Variants in RBFOX1 observed in about 807,000 individuals in gnomAD.
RBFOX1 encodes the protein RNA binding protein fox-1 homolog 1.
Under a neutral mutation model 57.7 loss-of-function variants are expected in RBFOX1, and 8 were observed. The observed-to-expected ratio is 0.14, with a 90% CI of 0.08 to 0.25. The LOEUF (loss-of-function observed/expected upper bound fraction) is 0.25. Among genes scored for constraint, RBFOX1 ranks in the 10% least tolerant of loss-of-function variants. The pLI, the probability that RBFOX1 is intolerant of heterozygous loss-of-function variation, is 1.00. For missense variants in RBFOX1, 611 were observed against 548.5 expected (o/e 1.11, Z -1.14); for synonymous variants, 326 against 222.4 (o/e 1.47, Z -4.15).
chr16:6,947,022 A>G (rs546805076), intron 3 of RBFOX1, among the ~76,000 whole-genome samples: 22 of 152,104 alleles, frequency 1.4e-4, no homozygotes, highest in African/African-American at 5.3e-4. Context: ...AAGTCCCTTC[A>G]CCTCTCTCCT....
chr16:7,100,659 G>T (rs1324920721), intron 4 of RBFOX1, among the ~76,000 whole-genome samples: 3 of 149,302 alleles, frequency 2.0e-5, no homozygotes. Context: ...GACATAGCCT[G>T]TGATAAATAT....
chr16:6,427,372 C>T (rs1597094541), intron 2 of RBFOX1, among the ~76,000 whole-genome samples: 2 of 152,272 alleles, frequency 1.3e-5, no homozygotes, highest in Middle Eastern at 6.8e-3. Flanking sequence ...GAAACGGTTC[C>T]CACATTGTTG....
chr16:6,344,700 T>G (rs1376230361), intron 2 of RBFOX1, among the ~76,000 whole-genome samples: 1 of 143,562 alleles, frequency 7.0e-6, no homozygotes, highest in Non-Finnish European at 1.5e-5. Context: ...CCCGGTTTTT[T>G]TTTTTTTTTT....
intron 3 of RBFOX1, among the ~76,000 whole-genome samples, chr16:6,971,546 G>T (rs1462186160): frequency 2.6e-5 from 4 of 152,012 alleles, no homozygotes; most frequent in Admixed American, 1.3e-4. Flanking sequence ...AGAATTTTGA[G>T]CAAAAGAAAT....
chr16:5,532,046 G>A (rs559201757), intron 2 of RBFOX1, among the ~76,000 whole-genome samples: 37 of 152,210 alleles, frequency 2.4e-4, no homozygotes, highest in African/African-American at 7.9e-4. Context: ...GTGACTGTCC[G>A]CCTCGACCTC....
At chr16:6,677,586 C>G (rs940454716) in intron 3 of RBFOX1, among the ~76,000 whole-genome samples, 5 of 152,108 alleles carry the variant, frequency 3.3e-5, no homozygotes, top group African/African-American at 1.2e-4. Flanking sequence ...CTCAGCAGTT[C>G]ATTAGAGCCT....
chr16:6,344,955 G>A (rs969334058), intron 2 of RBFOX1, among the ~76,000 whole-genome samples: 17 of 151,926 alleles, frequency 1.1e-4, no homozygotes, highest in Non-Finnish European at 1.6e-4. Flanking sequence ...GTGAGCCACC[G>A]AGCCCGGCCT....
At chr16:6,053,279 A>G (rs956948765) in intron 1 of RBFOX1, among the ~76,000 whole-genome samples, 7 of 152,234 alleles carry the variant, frequency 4.6e-5, no homozygotes, top group African/African-American at 1.7e-4. Context: ...GTCTGGTACC[A>G]AAGGGTGTCC....
Position 5,705,196 on chromosome 16 carries a change from C to A in RBFOX1, c.318+106235C>A, listed in dbSNP as rs1024140301. On this transcript the variant is annotated intron_variant, in intron 3 of 19. Coordinates refer to the RBFOX1 transcript ENST00000641259. ...GGCTATCTTCCTATCTTCCATCATG[C>A]TTCATATTCTTTCCATCAGCACCAA... 2.6e-5 allele frequency among the ~76,000 whole-genome samples: 4 copies of A among 152,222 alleles called. No homozygotes were observed. The East Asian group carries it at 7.7e-4, about 29-fold the overall frequency.
Position 7,046,897 on chromosome 16 carries a change from C to A in RBFOX1, c.-15-5160C>A, listed in dbSNP as rs113171168. On this transcript the variant is annotated intron_variant, in intron 3 of 15. Transcript: ENST00000550418. ...CTGGAATTACAGGCGTGAGCCCCTG[C>A]GCCTGGCCTATATTTTGTTTAACTT... Among the ~76,000 whole-genome samples, 11 of 152,058 alleles carry A rather than the reference C, an allele frequency of 7.2e-5. No individual in the cohort carries two copies. The South Asian group carries it at 2.1e-3, about 29-fold the overall frequency.
At chr16:6,489,822 G>A (rs1422121834) in intron 2 of RBFOX1, among the ~76,000 whole-genome samples, 6 of 152,064 alleles carry the variant, frequency 3.9e-5, no homozygotes, top group Non-Finnish European at 8.8e-5. Flanking sequence ...TCCAACAACA[G>A]CAAAAAAGCC....
chr16:7,242,780 G>C (rs552788088), intron 4 of RBFOX1, among the ~76,000 whole-genome samples: 2 of 152,308 alleles, frequency 1.3e-5, no homozygotes, highest in African/African-American at 4.8e-5. Context: ...GCAAGAACTG[G>C]CTAAACGGCT....
At chr16:6,523,046 C>G (rs776968551) in intron 2 of RBFOX1, among the ~76,000 whole-genome samples, 2 of 152,216 alleles carry the variant, frequency 1.3e-5, no homozygotes, top group African/African-American at 2.4e-5. Flanking sequence ...CTGGGAGTCA[C>G]TAGCATTTAA....
intron 4 of RBFOX1, among the ~76,000 whole-genome samples, chr16:7,292,838 G>C (rs909388397): frequency 6.6e-6 from 1 of 152,126 alleles, no homozygotes; most frequent in African/African-American, 2.4e-5. Context: ...GGAGCGTACA[G>C]GTTTGGTTTG....
intron 1 of RBFOX1, among the ~76,000 whole-genome samples, chr16:6,100,471 C>T (rs2096292262): frequency 6.6e-6 from 1 of 152,172 alleles, no homozygotes; most frequent in African/African-American, 2.4e-5. Context: ...CGGCTTATTG[C>T]TTTATTCTAA....
chr16:5,800,131 A>G (rs750904251), intron 3 of RBFOX1, among the ~76,000 whole-genome samples: 2 of 152,162 alleles, frequency 1.3e-5, no homozygotes, highest in Non-Finnish European at 2.9e-5. Context: ...AAGTAGGTAC[A>G]GAAAACTGTA....
chr16:6,959,751 A>C (rs763558911), intron 3 of RBFOX1, among the ~76,000 whole-genome samples: 30 of 152,286 alleles, frequency 2.0e-4, no homozygotes, highest in Non-Finnish European at 3.8e-4. Flanking sequence ...AGCCTGGCCA[A>C]CATGGTGAAA....
In RBFOX1 at chr16:6,351,370, A is replaced by AT. The variant is rs1446484402; in HGVS notation, c.-64+34314dup. 5.0e-4 allele frequency among the ~76,000 whole-genome samples: 50 copies of AT among 100,502 alleles called. 1 individual carries two copies. Among genetic ancestry groups the AT allele is most frequent in the South Asian group, 1.3e-3 (5 of 3,710 alleles). 65.9% of individuals were successfully genotyped at this position (100,502 alleles called of 152,430 possible). ...TGTGTGTGTATATATATATATATATATATTTTTTTTTTTTTTTCTTGAGGC... is the reference window on the plus strand; with the variant it reads ...TGTGTGTGTATATATATATATATATATTATTTTTTTTTTTTTTTCTTGAGGC... On this transcript the variant is annotated intron_variant, in intron 2 of 15. Coordinates refer to ENST00000550418, the MANE Select transcript of RBFOX1 (RefSeq NM_018723.4).
At chr16:6,673,824 A>G (rs1471035533) in intron 3 of RBFOX1, among the ~76,000 whole-genome samples, 1 of 152,172 alleles carries the variant, frequency 6.6e-6, no homozygotes, top group Non-Finnish European at 1.5e-5. Flanking sequence ...ACAGAGAATG[A>G]TAGCCAAGAC....
Sources: allele counts gnomAD v4.1 joint callset (sites outside exome capture counted in the v4.1 genomes callset), GRCh38; gene constraint gnomAD v4.1.1; transcripts MANE v1.5; gene names NCBI Gene and HGNC (gene_info 2026-07-23, HGNC 2026-07-21).